The following TMEM132B variants were observed in gnomAD, a reference collection of about 807,000 sequenced individuals.
TMEM132B encodes the protein transmembrane protein 132B.
A neutral mutation model predicts 90.8 loss-of-function variants in TMEM132B; 18 were observed. The observed-to-expected ratio is 0.20, with a 90% CI of 0.14 to 0.29. TMEM132B has a LOEUF of 0.29. TMEM132B is among the 10% of genes least tolerant of loss of function. TMEM132B has a pLI of 1.00. For missense variants in TMEM132B, 1,096 were observed against 1,326.8 expected (o/e 0.83, Z 2.70); for synonymous variants, 504 against 523.3 (o/e 0.96, Z 0.50).
At chr12:125,229,013 G>A (rs1189154906) in intron 1 of TMEM132B, among the ~76,000 whole-genome samples, 4 of 152,204 alleles carry the variant, frequency 2.6e-5, no homozygotes, top group African/African-American at 9.7e-5. Context: ...GAGCTGCATA[G>A]CTATGGTGCC....
chr12:125,488,825 C>T (rs191089455), intron 3 of TMEM132B, among the ~76,000 whole-genome samples: 68 of 152,276 alleles, frequency 4.5e-4, no homozygotes, highest in African/African-American at 1.6e-3. Context: ...GGCAAACTGC[C>T]GGATGGTTGA....
intron 1 of TMEM132B, among the ~76,000 whole-genome samples, chr12:125,302,204 T>C (rs899258336): frequency 6.6e-6 from 1 of 150,690 alleles, no homozygotes; most frequent in African/African-American, 2.4e-5. Context: ...GTCTCAAAAA[T>C]AAATTAAAAA....
chr12:125,432,115 T>A (rs1262841009), intron 3 of TMEM132B, among the ~76,000 whole-genome samples: 2 of 151,872 alleles, frequency 1.3e-5, no homozygotes, highest in Non-Finnish European at 2.9e-5. Context: ...GGGCTTGATT[T>A]TGTATGCGCT....
At chr12:125,346,150 G>A (rs113967038) in intron 1 of TMEM132B, among the ~76,000 whole-genome samples, 2 of 152,124 alleles carry the variant, frequency 1.3e-5, no homozygotes, top group African/African-American at 4.8e-5. Context: ...ACCTTACACT[G>A]CTATTTCAGA....
In TMEM132B at chr12:125,349,914, C is replaced by G. The variant is rs749655117; in HGVS notation, c.530C>G (p.Ala177Gly). 2 of 1,614,204 alleles carry G rather than the reference C, an allele frequency of 1.2e-6. No homozygotes were observed. The highest frequency in any genetic ancestry group is 1.7e-6 in the Non-Finnish European group (2 of 1,180,040). The part of the protein sequence containing the change: ...FAFPEAREVA[A>G]SCRLQGAPGL... ...TTCCCTGAGGCCAGGGAAGTGGCAG[C>G]CAGCTGTCGGCTGCAAGGGGCCCCA... is the stretch of plus-strand genomic sequence containing the variant. Residue 177 changes from alanine (A) to glycine (G), a missense_variant, in exon 2 of 9, where the codon GCC (alanine) becomes GGC (glycine). By Grantham distance (60) the Ala-to-Gly change is moderately conservative (BLOSUM62 0). Coordinates refer to ENST00000682704, the MANE Select transcript of TMEM132B (RefSeq NM_001366854.1). This position sits in a 1 kb window ranked among gnomAD's most constrained non-coding sequence, Gnocchi z 4.1.
chr12:125,415,692 C>A lies in TMEM132B; in HGVS notation c.1106+15C>A. The A allele has an allele frequency of 1.9e-6, 3 of 1,613,312 alleles. No homozygotes were observed. Among genetic ancestry groups the A allele is most frequent in the Non-Finnish European group, 2.5e-6 (3 of 1,179,626 alleles). On this transcript the variant is annotated intron_variant, in intron 3 of 8. Transcript: ENST00000682704. The surrounding 1 kb of genome is among the most constrained non-coding windows in gnomAD (Gnocchi z 5.3). ...ACGCAGAGCAGGTAAGCATGGAGATCCCCAAGGCACCTCCGCAGTGGGGAG... is the reference window on the plus strand; with the variant it reads ...ACGCAGAGCAGGTAAGCATGGAGATACCCAAGGCACCTCCGCAGTGGGGAG...
intron 1 of TMEM132B, among the ~76,000 whole-genome samples, chr12:125,219,265 C>T (rs755938375): frequency 4.6e-5 from 7 of 152,034 alleles, no homozygotes; most frequent in Admixed American, 3.3e-4. Context: ...TGGATGACAC[C>T]GACAGCTCGA....
At chr12:125,215,117 A>C (rs999494190) in intron 1 of TMEM132B, among the ~76,000 whole-genome samples, 2 of 151,936 alleles carry the variant, frequency 1.3e-5, no homozygotes, top group African/African-American at 2.4e-5. Context: ...ATGCTCCTCC[A>C]CTTCTGTATA....
intron 2 of TMEM132B, among the ~76,000 whole-genome samples, chr12:125,355,067 G>T (rs1444674397): frequency 1.3e-5 from 2 of 151,754 alleles, no homozygotes; most frequent in Non-Finnish European, 2.9e-5. Context: ...ACACTCTTCT[G>T]GGCTCTTCTG....
chr12:125,603,976 G>C (rs756192558), intron 5 of TMEM132B, among the ~76,000 whole-genome samples: 14 of 151,242 alleles, frequency 9.3e-5, no homozygotes, highest in Non-Finnish European at 1.8e-4. Context: ...GAAGAATTAA[G>C]AACAATTTTA....
chr12:125,283,624 G>C (rs1875262618), intron 1 of TMEM132B, among the ~76,000 whole-genome samples: 1 of 152,210 alleles, frequency 6.6e-6, no homozygotes, highest in Non-Finnish European at 1.5e-5. Flanking sequence ...TAAATTACCA[G>C]GGAAGGGGGC....
chr12:125,269,467 C>T (rs765726868), intron 1 of TMEM132B, among the ~76,000 whole-genome samples: 62 of 152,184 alleles, frequency 4.1e-4, no homozygotes, highest in Non-Finnish European at 1.3e-4. Context: ...CCTTGGGACT[C>T]GAGCCTGGTA....
intron 4 of TMEM132B, among the ~76,000 whole-genome samples, chr12:125,523,095 A>G (rs1883352104): frequency 6.6e-6 from 1 of 152,214 alleles, no homozygotes. Context: ...GGTTATGCCT[A>G]CCATCAGAGC....
chr12:125,516,192 C>T (rs1488151788), intron 3 of TMEM132B, among the ~76,000 whole-genome samples: 2 of 152,134 alleles, frequency 1.3e-5, no homozygotes, highest in African/African-American at 2.4e-5. Context: ...CTATCGCACT[C>T]TCACATGCCT....
chr12:125,314,711 T>G (rs566276764), intron 1 of TMEM132B, among the ~76,000 whole-genome samples: 1 of 152,284 alleles, frequency 6.6e-6, no homozygotes, highest in Non-Finnish European at 1.5e-5. Context: ...CTGCTGTCAT[T>G]TTTCAGCTAA....
chr12:125,637,934 A>G (rs911544401), intron 5 of TMEM132B, among the ~76,000 whole-genome samples: 8 of 152,220 alleles, frequency 5.3e-5, no homozygotes, highest in African/African-American at 1.7e-4. Flanking sequence ...TAGTGTTTTC[A>G]TGGGTGGACA....
At chr12:125,334,288 C>T (rs1876884042) in intron 1 of TMEM132B, among the ~76,000 whole-genome samples, 1 of 152,184 alleles carries the variant, frequency 6.6e-6, no homozygotes, top group Non-Finnish European at 1.5e-5. Context: ...ATCATTGCTA[C>T]CAGGACAGTG....
At chr12:125,414,589 C>A (rs1310894111) in intron 2 of TMEM132B, among the ~76,000 whole-genome samples, 1 of 152,124 alleles carries the variant, frequency 6.6e-6, no homozygotes, top group Non-Finnish European at 1.5e-5. Context: ...CCTTCCCAGC[C>A]CAGCCTGCAC....
chr12:125,474,090 CCTTTCCTT>C lies in TMEM132B; in HGVS notation c.1107-45347_1107-45340del, dbSNP rs1333309619. On this transcript the variant is annotated intron_variant, in intron 3 of 8. Coordinates refer to ENST00000682704, the MANE Select transcript of TMEM132B (RefSeq NM_001366854.1). ...CCTTTCCTTTCCTTTCCTTTCCTTT[CCTTTCCTT>C]CCTTTCTTCCGTCTTTCTGTCATTT... 2.5e-4 allele frequency among the ~76,000 whole-genome samples: 35 copies of C among 139,424 alleles called. 1 individual carries two copies. Among genetic ancestry groups the C allele is most frequent in the African/African-American group, 1.0e-3 (34 of 33,938 alleles). 91.5% of individuals were successfully genotyped at this position (139,424 alleles called of 152,430 possible). A position where few individuals can be genotyped will look rare whatever the true frequency, so the allele number is the denominator to read the frequency against.
Sources: gnomAD v4.1 joint callset for allele counts (sites outside exome capture counted in the v4.1 genomes callset) on GRCh38, gnomAD v4.1.1 for gene constraint, Gnocchi (gnomAD v3.1) non-coding constraint, MANE v1.5 for transcripts, NCBI Gene and HGNC (gene_info 2026-07-23, HGNC 2026-07-21) for gene names.